KCNH7: variants seen among roughly 807,000 people sequenced by gnomAD.
KCNH7 encodes potassium voltage-gated channel subfamily H member 7.
In KCNH7, 49 loss-of-function variants were observed where a neutral mutation model predicts 120.8. The ratio of observed to expected loss-of-function variants is 0.41; its 90% CI spans 0.32 to 0.51. KCNH7 has a LOEUF of 0.51. Ranked by LOEUF, KCNH7 falls within the 20% of genes least tolerant of loss-of-function variation. KCNH7 has a pLI of 0.38. For missense variants in KCNH7, 1,097 were observed against 1,446.6 expected (o/e 0.76, Z 3.92); for synonymous variants, 547 against 516.1 (o/e 1.06, Z -0.81).
At position 162,504,673 on chromosome 2, in the gene KCNH7, G is replaced by A. The variant is rs765862418; in HGVS notation, c.914-16C>T. 1.3e-5 allele frequency: 20 copies of A among 1,494,684 alleles called. No individual in the cohort carries two copies. Among genetic ancestry groups the A allele is most frequent in the East Asian group, 2.3e-5 (1 of 44,180 alleles). The allele number at this position is 1,494,684 out of a possible 1,614,324, so 92.6% of individuals were successfully genotyped here. ...TTAAAAGGCCCTAAAAAAATGGAAA[G>A]TATTTGTAAGAGTAATATAAGAAGA... On this transcript the variant is annotated splice_polypyrimidine_tract_variant and intron_variant, in intron 5 of 15. Transcript: ENST00000332142.
At chr2:162,661,276 G>A (rs967835394) in intron 2 of KCNH7, among the ~76,000 whole-genome samples, 6 of 152,080 alleles carry the variant, frequency 3.9e-5, no homozygotes, top group African/African-American at 1.4e-4. Flanking sequence ...AAATTTTCAG[G>A]AGGTTACCAA....
chr2:162,407,565 C>T (rs1006172024), intron 9 of KCNH7, among the ~76,000 whole-genome samples: 1 of 151,908 alleles, frequency 6.6e-6, no homozygotes, highest in Admixed American at 6.6e-5. Context: ...CCGCAAAAGG[C>T]TGACTTAAAA....
At chr2:162,451,358 C>CG (rs1688765422) in intron 6 of KCNH7, among the ~76,000 whole-genome samples, 2 of 152,040 alleles carry the variant, frequency 1.3e-5, no homozygotes, top group African/African-American at 4.8e-5. Flanking sequence ...TATTTAAAAA[C>CG]TGATTGGATA....
At chr2:162,678,296 C>T (rs550078562) in intron 2 of KCNH7, among the ~76,000 whole-genome samples, 2 of 151,484 alleles carry the variant, frequency 1.3e-5, no homozygotes, top group East Asian at 3.9e-4. Flanking sequence ...AAGCTCAATA[C>T]ATGATAGCTA....
intron 3 of KCNH7, among the ~76,000 whole-genome samples, chr2:162,522,308 C>T (rs2105794796): frequency 6.6e-6 from 1 of 152,018 alleles, no homozygotes; most frequent in South Asian, 2.1e-4. Context: ...TTACTTTACA[C>T]TCCTCCTTTA....
intron 2 of KCNH7, among the ~76,000 whole-genome samples, chr2:162,737,774 G>A (rs1026305190): frequency 6.6e-6 from 1 of 152,050 alleles, no homozygotes; most frequent in Non-Finnish European, 1.5e-5. Context: ...TTTGAAAATA[G>A]TTGTGAAAGG....
chr2:162,604,645 T>C (rs1459077768), intron 2 of KCNH7, among the ~76,000 whole-genome samples: 1 of 152,144 alleles, frequency 6.6e-6, no homozygotes, highest in Non-Finnish European at 1.5e-5. Context: ...CAAGTGTCCT[T>C]AGACACCTAT....
chr2:162,554,011 A>G (rs771894374), intron 2 of KCNH7, among the ~76,000 whole-genome samples: 15 of 152,218 alleles, frequency 9.9e-5, no homozygotes, highest in Non-Finnish European at 1.8e-4. Flanking sequence ...CACTTTTCTG[A>G]CATTTCCTCC....
At chr2:162,517,026 T>C (rs144393963) in intron 4 of KCNH7, among the ~76,000 whole-genome samples, 1 of 151,874 alleles carries the variant, frequency 6.6e-6, no homozygotes, top group African/African-American at 2.4e-5. Context: ...ACACAGTAAG[T>C]ACTTAACCGA....
intron 2 of KCNH7, among the ~76,000 whole-genome samples, chr2:162,671,936 CATACAT>C (rs932908913): frequency 1.3e-5 from 2 of 151,970 alleles, no homozygotes; most frequent in African/African-American, 4.8e-5. Flanking sequence ...CAACTATAAA[CATACAT>C]ATAGTAATGA....
intron 2 of KCNH7, among the ~76,000 whole-genome samples, chr2:162,577,313 C>CTATG (rs1263491076): frequency 6.8e-6 from 1 of 146,954 alleles, no homozygotes; most frequent in African/African-American, 2.5e-5. Context: ...ATCTATCTAT[C>CTATG]TATCTATCTA....
At chr2:162,595,575 C>T (rs1263733223) in intron 2 of KCNH7, among the ~76,000 whole-genome samples, 1 of 151,872 alleles carries the variant, frequency 6.6e-6, no homozygotes, top group Non-Finnish European at 1.5e-5. Flanking sequence ...TTTCTCAACA[C>T]AATACAGGCC....
intron 2 of KCNH7, among the ~76,000 whole-genome samples, chr2:162,794,413 C>T (rs142318488): frequency 0.016 from 2,427 of 152,126 alleles, 59 homozygotes; most frequent in African/African-American, 0.05. Context: ...ATGGCATCAA[C>T]GCTTTTCTCC....
chr2:162,838,349 G>T, intron 1 of KCNH7, 94 bp downstream of exon 1: 1 of 981,136 alleles, frequency 1.0e-6, no homozygotes, highest in Non-Finnish European at 1.6e-6. Flanking sequence ...GACAGAGCCT[G>T]GAGTTGCCGG....
At chr2:162,835,837 G>A (rs10169170) in intron 2 of KCNH7, among the ~76,000 whole-genome samples, 87,435 of 150,686 alleles carry the variant, frequency 0.58, 26,560 homozygotes, top group South Asian at 0.8. Context: ...TGTTGCCCTC[G>A]AAGTTGAGGT....
At chr2:162,426,149 G>A (rs1422420889) in intron 8 of KCNH7, among the ~76,000 whole-genome samples, 1 of 150,786 alleles carries the variant, frequency 6.6e-6, no homozygotes, top group African/African-American at 2.4e-5. Flanking sequence ...GGGAGGCTCA[G>A]GTTGCAGTGA....
intron 12 of KCNH7, among the ~76,000 whole-genome samples, chr2:162,385,334 A>G (rs916919277): frequency 6.6e-6 from 1 of 151,890 alleles, no homozygotes; most frequent in African/African-American, 2.4e-5. Flanking sequence ...TTTATTTTTA[A>G]TCTACATGCC....
intron 6 of KCNH7, chr2:162,501,979 G>T (rs1013467544): frequency 6.6e-6 from 1 of 152,022 alleles, no homozygotes; most frequent in Non-Finnish European, 1.5e-5. Flanking sequence ...AAAATGCAAA[G>T]CTTTTGATGG....
At chr2:162,704,144 A>T (rs1559090530) in intron 2 of KCNH7, among the ~76,000 whole-genome samples, 1 of 152,098 alleles carries the variant, frequency 6.6e-6, no homozygotes, top group Non-Finnish European at 1.5e-5. Context: ...GAGTAGAAAT[A>T]TGTTTTAGAT....
Sources: allele counts gnomAD v4.1 joint callset (sites outside exome capture counted in the v4.1 genomes callset), GRCh38; gene constraint gnomAD v4.1.1; transcripts MANE v1.5; gene names NCBI Gene and HGNC (gene_info 2026-07-23, HGNC 2026-07-21).